The following PPP1R12C variants were observed in gnomAD, a reference collection of about 807,000 sequenced individuals.
The protein encoded by PPP1R12C is leukocyte receptor cluster (LRC) encoded novel gene 3.
In PPP1R12C, 48 loss-of-function variants were observed where a neutral mutation model predicts 95.6. The observed-to-expected ratio is 0.50, with a 90% CI of 0.40 to 0.64. The LOEUF is 0.64. Among genes scored for constraint, PPP1R12C ranks in the 30% least tolerant of loss-of-function variants. PPP1R12C has a pLI of 0.00. For missense variants in PPP1R12C, 1,057 were observed against 1,083.3 expected (o/e 0.98, Z 0.34); for synonymous variants, 480 against 460.8 (o/e 1.04, Z -0.53).
At chr19:55,105,886 G>T (rs1375388498) in intron 3 of PPP1R12C, among the ~76,000 whole-genome samples, 1 of 151,564 alleles carries the variant, frequency 6.6e-6, no homozygotes, top group Non-Finnish European at 1.5e-5. Context: ...AGGCTGCAGT[G>T]AGCCATTATC....
At chr19:55,116,262 A>C (rs1184331836) in intron 1 of PPP1R12C, among the ~76,000 whole-genome samples, 1 of 151,440 alleles carries the variant, frequency 6.6e-6, no homozygotes, top group East Asian at 1.9e-4. Flanking sequence ...GAGAAGGAAA[A>C]GGGAACCCAG....
In PPP1R12C at chr19:55,096,702, G is replaced by A. The variant is rs1451095933; in HGVS notation, c.952-367C>T. 2.1e-5 allele frequency: 8 copies of A among 389,776 alleles called. No homozygotes were observed. The East Asian group carries it at 3.1e-4, about 15-fold the overall frequency. 24.1% of individuals were successfully genotyped at this position (389,776 alleles called of 1,614,324 possible). On this transcript the variant is annotated intron_variant, in intron 6 of 21. Transcript: ENST00000263433. ...CTCAGCTGCCCCGGCTCCTGCAGCC[G>A]GCACTCGCCTCCTCCTTCCCCGCGC...
chr19:55,091,281 C>A lies in PPP1R12C; in HGVS notation c.*191G>T, dbSNP rs2084835907. The A allele has an allele frequency of 1.6e-6, 1 of 629,404 alleles. No homozygotes were observed. The highest frequency in any genetic ancestry group is 2.8e-6 in the Non-Finnish European group (1 of 363,624). 39.0% of individuals were successfully genotyped at this position (629,404 alleles called of 1,614,324 possible). On this transcript the variant is annotated 3_prime_UTR_variant, in exon 22 of 22. Coordinates refer to ENST00000263433, the MANE Select transcript of PPP1R12C (RefSeq NM_017607.4). ...TCCCCCTGCTTGGCTCGGCCTCCCA[C>A]CTCCATCCTGGCCTCGGGTGGCCCC... is the stretch of plus-strand genomic sequence containing the variant.
chr19:55,096,401 C>G, intron 6 of PPP1R12C, 66 bp from the exon 7 acceptor site: 1 of 1,549,782 alleles, frequency 6.5e-7, no homozygotes, highest in Non-Finnish European at 8.9e-7. Flanking sequence ...AACACCACCA[C>G]AAACAGCTGT....
At chr19:55,113,374 G>A in intron 1 of PPP1R12C, 1 of 1,433,070 alleles carries the variant, frequency 7.0e-7, no homozygotes, top group Non-Finnish European at 9.1e-7. Flanking sequence ...CTCCCAGAGG[G>A]GTGAGACAGC....
intron 3 of PPP1R12C, among the ~76,000 whole-genome samples, chr19:55,104,961 G>A (rs559065280): frequency 9.2e-5 from 14 of 151,864 alleles, no homozygotes; most frequent in Non-Finnish European, 1.6e-4. Flanking sequence ...TAATAGAGAT[G>A]GGGTTTCATC....
intron 4 of PPP1R12C, among the ~76,000 whole-genome samples, chr19:55,100,598 T>G (rs959137567): frequency 1.3e-5 from 2 of 151,820 alleles, no homozygotes; most frequent in African/African-American, 4.9e-5. Flanking sequence ...GCAACAAATG[T>G]TTTTTTGTTT....
intron 1 of PPP1R12C, chr19:55,113,515 G>T: frequency 7.2e-7 from 1 of 1,397,188 alleles, no homozygotes; most frequent in South Asian, 1.5e-5. Context: ...TCCAAAACTT[G>T]GGGGGACAAA....
intron 10 of PPP1R12C, 37 bp downstream of exon 10, chr19:55,095,408 G>GGGGCCT (rs1452206096): frequency 3.2e-6 from 5 of 1,564,214 alleles, no homozygotes; most frequent in African/African-American, 2.7e-5. Context: ...CGACTGGGCA[G>GGGGCCT]GGGCCTGGGC....
At chr19:55,110,414 T>C (rs896236968) in intron 3 of PPP1R12C, among the ~76,000 whole-genome samples, 4 of 144,272 alleles carry the variant, frequency 2.8e-5, no homozygotes, top group Non-Finnish European at 6.1e-5. Flanking sequence ...GCATCAAGGT[T>C]GGTGCGGTGG....
intron 1 of PPP1R12C, chr19:55,113,282 G>T: frequency 1.3e-6 from 1 of 789,214 alleles, no homozygotes; most frequent in Non-Finnish European, 1.8e-6. Context: ...ATACTCTGCA[G>T]GAACGAAGCC....
At chr19:55,092,733 G>T in intron 16 of PPP1R12C, 50 bp downstream of exon 16, 1 of 1,519,606 alleles carries the variant, frequency 6.6e-7, no homozygotes, top group Non-Finnish European at 8.9e-7. Context: ...GGCTTTGCCC[G>T]CCCCCCGGCC....
Position 55,095,376 on chromosome 19 carries a change from G to T in PPP1R12C, c.1387-18C>A. ...TCCTTGGCCTGTGTGGAGAGGAGAA[G>T]GGGAGGAAGGGGCAGTTCCCTCGAC... is the stretch of plus-strand genomic sequence containing the variant. On this transcript the variant is annotated intron_variant, in intron 10 of 21. Coordinates refer to ENST00000263433, the MANE Select transcript of PPP1R12C (RefSeq NM_017607.4). The T allele has an allele frequency of 6.3e-7, 1 of 1,582,176 alleles. No homozygotes were observed. The highest frequency in any genetic ancestry group is 8.6e-7 in the Non-Finnish European group (1 of 1,164,432).
chr19:55,113,453 C>T (rs2085119959), intron 1 of PPP1R12C: 2 of 1,487,704 alleles, frequency 1.3e-6, no homozygotes, highest in Non-Finnish European at 1.8e-6. Flanking sequence ...TGCACGGGGC[C>T]CTGCAGCCAG....
rs559438131 is a variant in PPP1R12C, at chr19:55,097,681, C to T, written c.951+1103G>A. On this transcript the variant is annotated intron_variant, in intron 6 of 21. Coordinates refer to ENST00000263433, the MANE Select transcript of PPP1R12C (RefSeq NM_017607.4). ...CACCACCGTCTTCGCCCCTTCCCCG[C>T]GCAGTTCACCACCGTCTTCACACCT... Among the ~76,000 whole-genome samples the T allele has an allele frequency of 4.7e-5, 7 of 149,716 alleles. No homozygotes were observed. In the East Asian group the frequency reaches 7.9e-4, roughly 17 times the overall value.
intron 4 of PPP1R12C, among the ~76,000 whole-genome samples, chr19:55,100,088 G>A (rs550071081): frequency 1.3e-4 from 20 of 152,238 alleles, no homozygotes; most frequent in African/African-American, 2.6e-4. Flanking sequence ...TCCGCTCGCC[G>A]CTGGCCTCTG....
At position 55,117,493 on chromosome 19, in the gene PPP1R12C, A is replaced by AGCC. The variant is rs781715851; in HGVS notation, c.48_50dup (p.Ala18dup). 9 of 1,021,324 alleles carry AGCC rather than the reference A, an allele frequency of 8.8e-6. No individual in the cohort carries two copies. Among genetic ancestry groups the AGCC allele is most frequent in the South Asian group, 3.8e-5 (1 of 26,462 alleles). 63.3% of individuals were successfully genotyped at this position (1,021,324 alleles called of 1,614,324 possible). A position where few individuals can be genotyped will look rare whatever the true frequency, so the allele number is the denominator to read the frequency against. On this transcript the variant is annotated inframe_insertion, in exon 1 of 22. Coordinates refer to ENST00000263433, the MANE Select transcript of PPP1R12C (RefSeq NM_017607.4). ...GCTGCTCCCGTCGCCGCTCCCGGGC[A>AGCC]GCCGCCGCCGCCGCCCCCGGGCCAG...
At chr19:55,091,603 C>T (rs567512980) in intron 21 of PPP1R12C, 45 bp from the exon 22 acceptor site, 81 of 1,603,572 alleles carry the variant, frequency 5.1e-5, no homozygotes, top group Admixed American at 1.2e-4. Flanking sequence ...GCGGGTTGCA[C>T]CCCCACCCAC....
rs1180974710 is a variant in PPP1R12C at position 55,117,607 on chromosome 19, C to G, written c.-64G>C. ...GCCCCAACCGCCGCCACCACCCGCC[C>G]GCCCGCCCGCCCCGGGGGCCGCCGG... On this transcript the variant is annotated 5_prime_UTR_variant, in exon 1 of 22. Coordinates refer to ENST00000263433, the MANE Select transcript of PPP1R12C (RefSeq NM_017607.4). 1.1e-6 allele frequency: 1 copy of G among 936,706 alleles called. No homozygotes were observed. Among genetic ancestry groups the G allele is most frequent in the African/African-American group, 1.8e-5 (1 of 55,048 alleles). The allele number at this position is 936,706 out of a possible 1,614,324, so 58.0% of individuals were successfully genotyped here.
Sources: gnomAD v4.1 joint callset for allele counts (sites outside exome capture counted in the v4.1 genomes callset) on GRCh38, gnomAD v4.1.1 for gene constraint, MANE v1.5 for transcripts, NCBI Gene and HGNC (gene_info 2026-07-23, HGNC 2026-07-21) for gene names.